PKNOX2: variants seen among roughly 807,000 people sequenced by gnomAD.
The protein encoded by PKNOX2 is PBX/knotted 1 homeobox 2.
A neutral mutation model predicts 53.1 loss-of-function variants in PKNOX2; 14 were observed. The ratio of observed to expected loss-of-function variants is 0.26; its 90% CI spans 0.17 to 0.41. The LOEUF is 0.41. Among genes scored for constraint, PKNOX2 ranks in the 10% least tolerant of loss-of-function variants. The pLI, the probability that PKNOX2 is intolerant of heterozygous loss-of-function variation, is 1.00. For missense variants in PKNOX2, 496 were observed against 602.8 expected (o/e 0.82, Z 1.85); for synonymous variants, 257 against 242.8 (o/e 1.06, Z -0.54).
At chr11:125,231,328 T>C (rs1281397871) in intron 1 of PKNOX2, among the ~76,000 whole-genome samples, 1 of 152,234 alleles carries the variant, frequency 6.6e-6, no homozygotes, top group African/African-American at 2.4e-5. Flanking sequence ...AGCTTTCTTC[T>C]ATCCCTCTCC....
At position 125,179,483 on chromosome 11, in the gene PKNOX2, G is replaced by A. The variant is rs560797047; in HGVS notation, c.-201+14707G>A. On this transcript the variant is annotated intron_variant, in intron 1 of 12. Transcript: ENST00000298282. ...TGAGAAAAGACGGGAGAAAAATCGC[G>A]TCCCAGGCAGGGGGAGCATAGAGTT... Among the ~76,000 whole-genome samples, 114 of 151,122 alleles carry A rather than the reference G, an allele frequency of 7.5e-4. 1 individual carries two copies. Among genetic ancestry groups the A allele is most frequent in the Non-Finnish European group, 1.4e-3 (92 of 67,864 alleles).
chr11:125,306,026 T>C (rs527632690), intron 2 of PKNOX2, among the ~76,000 whole-genome samples: 1 of 152,104 alleles, frequency 6.6e-6, no homozygotes, highest in South Asian at 2.1e-4. Flanking sequence ...ATGGCAGAAA[T>C]TAAAATCTCC....
At chr11:125,374,650 C>T (rs989069827) in intron 5 of PKNOX2, among the ~76,000 whole-genome samples, 2 of 152,114 alleles carry the variant, frequency 1.3e-5, no homozygotes, top group Non-Finnish European at 2.9e-5. Flanking sequence ...AGTGGTTGGT[C>T]GTGCTGCTTC....
At chr11:125,375,646 C>A (rs941756781) in intron 5 of PKNOX2, among the ~76,000 whole-genome samples, 1 of 152,122 alleles carries the variant, frequency 6.6e-6, no homozygotes, top group African/African-American at 2.4e-5. Context: ...TACAAAGTGC[C>A]ACTGAGTGTG....
At chr11:125,330,182 T>C (rs58887158) in intron 2 of PKNOX2, 9,978 of 152,350 alleles carry the variant, frequency 0.065, 963 homozygotes, top group African/African-American at 0.21. Context: ...TCAGCCCTGA[T>C]TGGAAGAGGA....
intron 1 of PKNOX2, among the ~76,000 whole-genome samples, chr11:125,168,844 G>C (rs964144296): frequency 3.3e-5 from 5 of 152,216 alleles, no homozygotes; most frequent in African/African-American, 1.2e-4. Flanking sequence ...AATTGAATTT[G>C]TTTTTATTAA....
chr11:125,189,569 T>C (rs1393859649), intron 1 of PKNOX2, among the ~76,000 whole-genome samples: 1 of 148,258 alleles, frequency 6.7e-6, no homozygotes, highest in Non-Finnish European at 1.5e-5. Flanking sequence ...CAGAAGGTCT[T>C]TGTTGTCTCA....
At chr11:125,336,976 A>G (rs1449891725) in intron 3 of PKNOX2, among the ~76,000 whole-genome samples, 4 of 150,056 alleles carry the variant, frequency 2.7e-5, no homozygotes, top group Admixed American at 2.0e-4. Context: ...ATAGTATGCC[A>G]TATACTTTTA....
intron 1 of PKNOX2, among the ~76,000 whole-genome samples, chr11:125,202,155 A>C (rs146566471): frequency 2.0e-5 from 3 of 152,184 alleles, no homozygotes; most frequent in African/African-American, 7.2e-5. Flanking sequence ...TTATAAATAC[A>C]TGTTTTTCTT....
At chr11:125,411,974 G>GA in intron 10 of PKNOX2, 109 bp downstream of exon 10, 1 of 1,524,450 alleles carries the variant, frequency 6.6e-7, no homozygotes, top group Non-Finnish European at 8.9e-7. Context: ...CAGAGGGCGC[G>GA]GCCTCGGGGA....
chr11:125,345,703 C>CT lies in PKNOX2; in HGVS notation c.-22-5572dup, dbSNP rs573228487. ...AGCCAACTCCGTTCTACCAGCAACA[C>CT]TTTTTTTTTCCAGGCATAATTTATA... is the stretch of plus-strand genomic sequence containing the variant. On this transcript the variant is annotated intron_variant, in intron 3 of 12. Coordinates refer to ENST00000298282, the MANE Select transcript of PKNOX2 (RefSeq NM_001382323.2). Among the ~76,000 whole-genome samples the CT allele has an allele frequency of 2.6e-5, 4 of 151,614 alleles. No individual in the cohort carries two copies. The East Asian group carries it at 5.8e-4, about 22-fold the overall frequency.
At chr11:125,302,859 C>G (rs1426070877) in intron 2 of PKNOX2, among the ~76,000 whole-genome samples, 1 of 152,224 alleles carries the variant, frequency 6.6e-6, no homozygotes, top group African/African-American at 2.4e-5. Flanking sequence ...AATACCTGAG[C>G]TGGGAGAATC....
At chr11:125,401,533 C>T (rs1954748999) in intron 7 of PKNOX2, among the ~76,000 whole-genome samples, 1 of 152,198 alleles carries the variant, frequency 6.6e-6, no homozygotes, top group Non-Finnish European at 1.5e-5. Flanking sequence ...ACCTGCTCTC[C>T]TGCCTTCTCT....
At chr11:125,301,893 C>T (rs2135960692) in intron 2 of PKNOX2, among the ~76,000 whole-genome samples, 1 of 152,254 alleles carries the variant, frequency 6.6e-6, no homozygotes, top group Non-Finnish European at 1.5e-5. Context: ...TACATTTGCC[C>T]AGACTCAGTC....
intron 1 of PKNOX2, among the ~76,000 whole-genome samples, chr11:125,210,833 A>C (rs1346256329): frequency 6.6e-6 from 1 of 152,112 alleles, no homozygotes; most frequent in African/African-American, 2.4e-5. Flanking sequence ...TGTCCTTTAC[A>C]GGGGTAAAAG....
At chr11:125,252,465 G>A (rs537654229) in intron 2 of PKNOX2, among the ~76,000 whole-genome samples, 4 of 152,336 alleles carry the variant, frequency 2.6e-5, no homozygotes, top group South Asian at 2.1e-4. Flanking sequence ...CTTGCAGGAA[G>A]CTGTTGCCAG....
chr11:125,284,731 G>C (rs1021305365), intron 2 of PKNOX2, among the ~76,000 whole-genome samples: 1 of 152,044 alleles, frequency 6.6e-6, no homozygotes, highest in Non-Finnish European at 1.5e-5. Context: ...TCCAGGCCTG[G>C]AATCAATTTA....
At chr11:125,274,279 G>A (rs1055652112) in intron 2 of PKNOX2, among the ~76,000 whole-genome samples, 3 of 152,076 alleles carry the variant, frequency 2.0e-5, no homozygotes, top group African/African-American at 7.2e-5. Flanking sequence ...CCTAACCACT[G>A]CACCACACAT....
intron 1 of PKNOX2, among the ~76,000 whole-genome samples, chr11:125,168,153 G>T (rs76665705): frequency 6.6e-6 from 1 of 152,184 alleles, no homozygotes; most frequent in Non-Finnish European, 1.5e-5. Flanking sequence ...GCTTTGCCTC[G>T]CGTTTAGTAA....
Sources: gnomAD v4.1 joint callset for allele counts (sites outside exome capture counted in the v4.1 genomes callset) on GRCh38, gnomAD v4.1.1 for gene constraint, MANE v1.5 for transcripts, NCBI Gene and HGNC (gene_info 2026-07-23, HGNC 2026-07-21) for gene names.